NRG3: variants seen among roughly 807,000 people sequenced by gnomAD.
NRG3 encodes the protein neuregulin 3, also known as pro-neuregulin-3, membrane-bound isoform.
NRG3 carries 31 observed loss-of-function variants against 66.9 expected under a neutral mutation model. The ratio of observed to expected loss-of-function variants is 0.46; its 90% CI spans 0.35 to 0.63. NRG3 has a LOEUF of 0.63. NRG3 is among the 20% of genes least tolerant of loss of function. The pLI is 0.00. For missense variants in NRG3, 910 were observed against 878.9 expected, an observed-to-expected ratio of 1.04 and a Z score of -0.45; for synonymous variants, 393 against 359.4, an observed-to-expected ratio of 1.09 and a Z score of -1.06.
intron 2 of NRG3, among the ~76,000 whole-genome samples, chr10:82,677,260 C>T (rs757606223): frequency 2.0e-5 from 3 of 151,890 alleles, no homozygotes; most frequent in Non-Finnish European, 4.4e-5. Flanking sequence ...ACCATGTTGC[C>T]CAGGCTGGTC....
intron 2 of NRG3, among the ~76,000 whole-genome samples, chr10:82,370,080 T>C (rs1349992683): frequency 1.4e-5 from 2 of 138,904 alleles, no homozygotes; most frequent in Non-Finnish European, 3.0e-5. Flanking sequence ...AGTTTTGCCA[T>C]CTGCAGATGG....
intron 3 of NRG3, among the ~76,000 whole-genome samples, chr10:82,813,914 AC>A (rs2061600055): frequency 6.6e-6 from 1 of 152,186 alleles, no homozygotes. Context: ...TCTTGAGAGG[AC>A]TATGGGAAAC....
At chr10:81,935,304 A>T (rs537644601) in intron 1 of NRG3, among the ~76,000 whole-genome samples, 2 of 152,180 alleles carry the variant, frequency 1.3e-5, no homozygotes, top group African/African-American at 4.8e-5. Flanking sequence ...CATTTTGGGG[A>T]AAAAATAACT....
intron 2 of NRG3, among the ~76,000 whole-genome samples, chr10:82,381,307 A>G (rs2085602467): frequency 6.6e-6 from 1 of 152,176 alleles, no homozygotes; most frequent in African/African-American, 2.4e-5. Flanking sequence ...ATATGTTGTA[A>G]TGGAAAACGA....
At chr10:82,086,524 G>A (rs1222639783) in intron 1 of NRG3, among the ~76,000 whole-genome samples, 1 of 152,012 alleles carries the variant, frequency 6.6e-6, no homozygotes, top group East Asian at 1.9e-4. Context: ...GTTTTCAGTA[G>A]TATTGAAATC....
At chr10:81,899,393 C>T (rs886599113) in intron 1 of NRG3, among the ~76,000 whole-genome samples, 1 of 152,162 alleles carries the variant, frequency 6.6e-6, no homozygotes, top group Non-Finnish European at 1.5e-5. Flanking sequence ...ATTATTTATG[C>T]TGATTGAAAT....
At chr10:82,684,543 C>A (rs965952954) in intron 2 of NRG3, among the ~76,000 whole-genome samples, 2 of 151,632 alleles carry the variant, frequency 1.3e-5, no homozygotes, top group Admixed American at 6.6e-5. Flanking sequence ...CAAAAAAAAA[C>A]AGTACATTTT....
At chr10:81,959,109 T>C (rs747868226) in intron 1 of NRG3, among the ~76,000 whole-genome samples, 6 of 152,222 alleles carry the variant, frequency 3.9e-5, no homozygotes, top group Non-Finnish European at 5.9e-5. Context: ...TAAATATTTT[T>C]GTTGTTGACT....
chr10:82,110,817 T>G (rs1267215851), intron 1 of NRG3, among the ~76,000 whole-genome samples: 1 of 152,024 alleles, frequency 6.6e-6, no homozygotes, highest in South Asian at 2.1e-4. Flanking sequence ...GCATTTGAAA[T>G]TCAAGGGAGA....
At chr10:82,549,350 A>G (rs1316838344) in intron 2 of NRG3, among the ~76,000 whole-genome samples, 1 of 152,168 alleles carries the variant, frequency 6.6e-6, no homozygotes, top group Non-Finnish European at 1.5e-5. Context: ...CTTGTTGCCC[A>G]TACTTACAGA....
chr10:82,588,502 C>A (rs146400800), intron 2 of NRG3, among the ~76,000 whole-genome samples: 3,530 of 151,924 alleles, frequency 0.023, 53 homozygotes, highest in South Asian at 0.036. Context: ...ACCAATTGAA[C>A]CTTTTTTTTT....
chr10:82,449,879 T>A (rs2090933675), intron 2 of NRG3, among the ~76,000 whole-genome samples: 1 of 152,100 alleles, frequency 6.6e-6, no homozygotes, highest in South Asian at 2.1e-4. Context: ...GAACTCACAG[T>A]CTGATGGGAG....
chr10:82,982,110 A>G (rs1311885635), intron 8 of NRG3, among the ~76,000 whole-genome samples: 1 of 152,210 alleles, frequency 6.6e-6, no homozygotes, highest in Non-Finnish European at 1.5e-5. Context: ...GAAAAATCAC[A>G]TTTATGGCTG....
chr10:82,889,612 A>C (rs1842982171), intron 4 of NRG3, among the ~76,000 whole-genome samples: 1 of 152,262 alleles, frequency 6.6e-6, no homozygotes, highest in Admixed American at 6.5e-5. Context: ...TCTCATTTAC[A>C]GAAACTTCAA....
rs182310002 is a variant in NRG3 at position 82,487,382 on chromosome 10, C to T, written c.953+128514C>T. 2.1e-4 allele frequency among the ~76,000 whole-genome samples: 32 copies of T among 152,158 alleles called. No individual in the cohort carries two copies. The East Asian group carries it at 3.3e-3, about 16-fold the overall frequency. ...GGGAGGAATGTGTAAGTCTAATACA[C>T]GCTTTCTATCATTGTTTTATTTTAA... On this transcript the variant is annotated intron_variant, in intron 2 of 8. Coordinates refer to ENST00000372141, the MANE Select transcript of NRG3 (RefSeq NM_001010848.4).
chr10:82,152,982 A>C (rs982905769), intron 1 of NRG3, among the ~76,000 whole-genome samples: 7 of 151,952 alleles, frequency 4.6e-5, no homozygotes, highest in African/African-American at 1.7e-4. Context: ...TTTGATACAC[A>C]CACGCGCACA....
chr10:82,922,993 A>G (rs995977029), intron 4 of NRG3, among the ~76,000 whole-genome samples: 1 of 152,176 alleles, frequency 6.6e-6, no homozygotes, highest in East Asian at 1.9e-4. Flanking sequence ...AGAGTATTCA[A>G]TGCCATTTGA....
intron 2 of NRG3, among the ~76,000 whole-genome samples, chr10:82,716,430 T>C (rs1296836083): frequency 6.6e-6 from 1 of 152,080 alleles, no homozygotes; most frequent in Non-Finnish European, 1.5e-5. Context: ...GTGGGAACCT[T>C]AGAGTGAATA....
chr10:82,794,213 T>G (rs1280809821), intron 3 of NRG3, among the ~76,000 whole-genome samples: 3 of 151,856 alleles, frequency 2.0e-5, no homozygotes, highest in Admixed American at 6.6e-5. Context: ...ATGGCATCAA[T>G]TTTTTTTGGT....
Sources: gnomAD v4.1 joint callset for allele counts (sites outside exome capture counted in the v4.1 genomes callset) on GRCh38, gnomAD v4.1.1 for gene constraint, MANE v1.5 for transcripts, NCBI Gene and HGNC (gene_info 2026-07-23, HGNC 2026-07-21) for gene names.